ZNF710: variants seen among roughly 807,000 people sequenced by gnomAD.
ZNF710 encodes zinc finger protein 710.
A neutral mutation model predicts 50.6 loss-of-function variants in ZNF710; 13 were observed. The observed-to-expected ratio is 0.26, with a 90% CI of 0.17 to 0.41. The LOEUF (loss-of-function observed/expected upper bound fraction) is 0.41. ZNF710 is among the 10% of genes least tolerant of loss of function. The pLI, the probability that ZNF710 is intolerant of heterozygous loss-of-function variation, is 1.00. For synonymous variants in ZNF710, 383 were observed against 397.0 expected (o/e 0.96, Z 0.42); for missense variants, 721 against 936.6 (o/e 0.77, Z 3.01).
rs373633186 is a variant in ZNF710 at position 90,067,642 on chromosome 15, C to T, written c.505C>T (p.Arg169Trp). 9 of 1,612,608 alleles carry T rather than the reference C, an allele frequency of 5.6e-6. No individual in the cohort carries two copies. The highest frequency in any genetic ancestry group is 3.3e-4 in the Middle Eastern group (2 of 6,080). Residue 169 changes from arginine (R) to tryptophan (W), a missense_variant, in exon 2 of 5, where the codon CGG (arginine) becomes TGG (tryptophan). Physicochemically the swap from Arg to Trp is moderately radical, Grantham distance 101. This residue lies in a region of ZNF710 where 326 missense variants were observed against 347.1 expected (regional missense o/e 0.94). Coordinates refer to ENST00000268154, the MANE Select transcript of ZNF710 (RefSeq NM_198526.4). This position sits in a 1 kb window ranked among gnomAD's most constrained non-coding sequence, Gnocchi z 8.1. ...CCTCAGCGCCTTCAGCCGCAAGCCC[C>T]GGACGCTCCGGCATCTGCCCCGAAC... is the stretch of plus-strand genomic sequence containing the variant. ...IDLSAFSRKP[R>W]TLRHLPRTPR...
At chr15:90,023,310 A>T (rs1898677715) in intron 1 of ZNF710, among the ~76,000 whole-genome samples, 1 of 152,218 alleles carries the variant, frequency 6.6e-6, no homozygotes, top group Admixed American at 6.5e-5. Flanking sequence ...TCTAGATAAA[A>T]ATCAGAGCTA....
rs1240775524 is a variant in ZNF710, at chr15:90,080,535, G to A, written c.*706G>A. ...CATGTCGTCCACTTCGACCCTAGCT[G>A]GAGTGCCTCACCAGGGGGCCCCACT... On this transcript the variant is annotated 3_prime_UTR_variant, in exon 5 of 5. Coordinates refer to ENST00000268154, the MANE Select transcript of ZNF710 (RefSeq NM_198526.4). 1 of 152,692 alleles carries A rather than the reference G, an allele frequency of 6.5e-6. No individual in the cohort carries two copies. Among genetic ancestry groups the A allele is most frequent in the African/African-American group, 2.4e-5 (1 of 41,464 alleles). The allele number at this position is 152,692 out of a possible 1,614,324, so 9.5% of individuals were successfully genotyped here. A position where few individuals can be genotyped will look rare whatever the true frequency, so the allele number is the denominator to read the frequency against.
intron 1 of ZNF710, among the ~76,000 whole-genome samples, chr15:90,012,848 G>T (rs1177056788): frequency 3.3e-5 from 5 of 150,824 alleles, no homozygotes; most frequent in African/African-American, 4.9e-5. Context: ...TTTATTTCTG[G>T]GTTTCTATTT....
At chr15:90,013,698 A>G (rs1286234027) in intron 1 of ZNF710, among the ~76,000 whole-genome samples, 2 of 152,136 alleles carry the variant, frequency 1.3e-5, no homozygotes, top group East Asian at 1.9e-4. Flanking sequence ...AATACATATC[A>G]CCAGACGCTC....
At chr15:89,998,761 A>G (rs1897963293), upstream of ZNF710, among the ~76,000 whole-genome samples, 1 of 152,178 alleles carries the variant, frequency 6.6e-6, no homozygotes, top group South Asian at 2.1e-4. Context: ...TTTTACAGAA[A>G]AGTTAGAGAG....
At position 90,054,864 on chromosome 15, in the gene ZNF710, C is replaced by G. The variant is rs528716679; in HGVS notation, c.-28-12246C>G. Among the ~76,000 whole-genome samples the G allele has an allele frequency of 2.6e-5, 4 of 152,316 alleles. No individual in the cohort carries two copies. In the East Asian group the frequency reaches 7.7e-4, roughly 29 times the overall value. On this transcript the variant is annotated intron_variant, in intron 1 of 4. Transcript: ENST00000268154. The stretch of plus-strand genomic sequence containing the variant: ...AACATGAGGCCTGCTGCCCCTCCCC[C>G]TCGGAACAGGAACTGGCCATAAAGC...
intron 1 of ZNF710, among the ~76,000 whole-genome samples, chr15:90,011,445 T>TA: frequency 6.6e-6 from 1 of 152,224 alleles, no homozygotes; most frequent in Non-Finnish European, 1.5e-5. Context: ...TTGGTGTCTA[T>TA]ATATTTTTTT....
chr15:90,058,895 G>T (rs900058753), intron 1 of ZNF710, among the ~76,000 whole-genome samples: 11 of 152,208 alleles, frequency 7.2e-5, no homozygotes, highest in African/African-American at 2.6e-4. Flanking sequence ...CTCAATGTTT[G>T]CCCTTAAGGC....
Position 90,062,178 on chromosome 15 carries a change from C to T in ZNF710, c.-28-4932C>T, listed in dbSNP as rs1031379894. Among the ~76,000 whole-genome samples, 3 of 148,490 alleles carry T rather than the reference C, an allele frequency of 2.0e-5. No homozygotes were observed. Among genetic ancestry groups the T allele is most frequent in the African/African-American group, 7.4e-5 (3 of 40,482 alleles). On this transcript the variant is annotated intron_variant, in intron 1 of 4. Coordinates refer to ENST00000268154, the MANE Select transcript of ZNF710 (RefSeq NM_198526.4). The surrounding 1 kb of genome is among the most constrained non-coding windows in gnomAD (Gnocchi z 5.6). ...CCCCCTCACTCAGGCTCCTCCTCTGCCCCCCCTTCCCTGTCTCTTCATTTC... is the reference window on the plus strand; with the variant it reads ...CCCCCTCACTCAGGCTCCTCCTCTGTCCCCCCTTCCCTGTCTCTTCATTTC...
intron 1 of ZNF710, among the ~76,000 whole-genome samples, chr15:90,049,683 C>T (rs953341746): frequency 6.6e-6 from 1 of 152,144 alleles, no homozygotes; most frequent in East Asian, 1.9e-4. Flanking sequence ...GTCCTGCCCT[C>T]GAGACCCTCT....
chr15:90,059,716 C>G lies in ZNF710; in HGVS notation c.-28-7394C>G, dbSNP rs529382751. Among the ~76,000 whole-genome samples, 32 of 152,334 alleles carry G rather than the reference C, an allele frequency of 2.1e-4. No individual in the cohort carries two copies. The highest frequency in any genetic ancestry group is 2.1e-3 in the South Asian group (10 of 4,834). ...CAGAAGTGAGACTGTGGCAAGGGGC[C>G]CCGAGGCACAGGCCTTCCAGCTCTC... is the stretch of plus-strand genomic sequence containing the variant. On this transcript the variant is annotated intron_variant, in intron 1 of 4. Coordinates refer to ENST00000268154, the MANE Select transcript of ZNF710 (RefSeq NM_198526.4). The surrounding 1 kb of genome is among the most constrained non-coding windows in gnomAD (Gnocchi z 4.1).
In ZNF710 at chr15:90,010,936, T is replaced by G. The variant is rs1409509017; in HGVS notation, c.-29+9322T>G. 3.7e-3 allele frequency among the ~76,000 whole-genome samples: 541 copies of G among 144,474 alleles called. 4 individuals are homozygous for G. The highest frequency in any genetic ancestry group is 0.012 in the African/African-American group (462 of 39,402). The allele number at this position is 144,474 out of a possible 152,430, so 94.8% of individuals were successfully genotyped here. A position where few individuals can be genotyped will look rare whatever the true frequency, so the allele number is the denominator to read the frequency against. On this transcript the variant is annotated intron_variant, in intron 1 of 4. Transcript: ENST00000268154. ...ATTGTTGTTGGTTTTTTGTTTTTTT[T>G]TTTTTTTTTTTTGAGACGGAGTCTC...
chr15:90,053,753 T>A (rs1899719751), intron 1 of ZNF710, among the ~76,000 whole-genome samples: 1 of 152,142 alleles, frequency 6.6e-6, no homozygotes, highest in Admixed American at 6.5e-5. Flanking sequence ...TCCCCTACCC[T>A]GACCTCAGAG....
chr15:90,044,749 G>A lies in ZNF710; in HGVS notation c.-28-22361G>A, dbSNP rs1377776050. ...ATATGCTTGTCAATCAGGCATGTGC[G>A]TGTGCCTGGTTAGCACATTTACTTT... On this transcript the variant is annotated intron_variant, in intron 1 of 4. Transcript: ENST00000268154. Among the ~76,000 whole-genome samples the A allele has an allele frequency of 3.3e-5, 5 of 152,176 alleles. No homozygotes were observed. The East Asian group carries it at 7.7e-4, about 23-fold the overall frequency.
chr15:90,008,441 C>CGTATATATAT (rs1220498890), intron 1 of ZNF710, among the ~76,000 whole-genome samples: 9 of 126,506 alleles, frequency 7.1e-5, no homozygotes, highest in African/African-American at 3.4e-4. Flanking sequence ...TATATATATA[C>CGTATATATAT]ATATATATAT....
chr15:90,023,323 ACAC>A (rs1898678128), intron 1 of ZNF710, among the ~76,000 whole-genome samples: 1 of 152,180 alleles, frequency 6.6e-6, no homozygotes, highest in African/African-American at 2.4e-5. Flanking sequence ...CAGAGCTAAA[ACAC>A]CAGCTCATTT....
intron 1 of ZNF710, among the ~76,000 whole-genome samples, chr15:90,056,655 T>A (rs530192708): frequency 6.6e-6 from 1 of 152,222 alleles, no homozygotes; most frequent in South Asian, 2.1e-4. Flanking sequence ...CACGCATGCG[T>A]TTACTGGGCA....
chr15:90,020,345 C>G (rs1567222689), intron 1 of ZNF710, among the ~76,000 whole-genome samples: 1 of 152,194 alleles, frequency 6.6e-6, no homozygotes, highest in Non-Finnish European at 1.5e-5. Flanking sequence ...AGCCCCTTCC[C>G]TCCTCCAGCT....
chr15:90,046,013 C>T (rs1899449453), intron 1 of ZNF710, among the ~76,000 whole-genome samples: 1 of 152,150 alleles, frequency 6.6e-6, no homozygotes, highest in African/African-American at 2.4e-5. Context: ...CCCAGGGCCA[C>T]AGAGAAAGCT....
Sources: allele counts gnomAD v4.1 joint callset (sites outside exome capture counted in the v4.1 genomes callset), GRCh38; gene constraint gnomAD v4.1.1; regional missense constraint gnomAD v4.1.1; non-coding constraint Gnocchi (gnomAD v3.1); transcripts MANE v1.5; gene names NCBI Gene and HGNC (gene_info 2026-07-23, HGNC 2026-07-21).